The following AFF3 variants were observed in gnomAD, a reference collection of about 807,000 sequenced individuals.
The protein encoded by AFF3 is ALF transcription elongation factor 3, also known as AF4/FMR2 family member 3.
A neutral mutation model predicts 129.7 loss-of-function variants in AFF3; 32 were observed. The observed-to-expected ratio is 0.25, with a 90% confidence interval of 0.19 to 0.33. The LOEUF is 0.33. Among genes scored for constraint, AFF3 ranks in the 10% least tolerant of loss-of-function variants. AFF3 has a pLI of 1.00. For synonymous variants in AFF3, 644 were observed against 635.4 expected (o/e 1.01, Z -0.20); for missense variants, 1,373 against 1,592.0 (o/e 0.86, Z 2.34).
At chr2:99,766,580 G>C (rs1683040232) in intron 8 of AFF3, among the ~76,000 whole-genome samples, 1 of 151,970 alleles carries the variant, frequency 6.6e-6, no homozygotes, top group South Asian at 2.1e-4. Flanking sequence ...TCAGAAATAA[G>C]GTTAAACTAT....
chr2:99,606,665 C>T (rs1680368845), intron 13 of AFF3, among the ~76,000 whole-genome samples: 2 of 152,070 alleles, frequency 1.3e-5, no homozygotes, highest in African/African-American at 4.8e-5. Context: ...CGTCTGTAAT[C>T]CCAGCACTTT....
chr2:99,834,598 C>A (rs57859098), intron 8 of AFF3, among the ~76,000 whole-genome samples: 12,912 of 152,224 alleles, frequency 0.085, 1,822 homozygotes, highest in African/African-American at 0.29. Flanking sequence ...CAAAAGGGCA[C>A]TTGCAAAGGT....
At chr2:99,828,289 C>T (rs963040253) in intron 8 of AFF3, among the ~76,000 whole-genome samples, 2 of 152,116 alleles carry the variant, frequency 1.3e-5, no homozygotes, top group Admixed American at 1.3e-4. Context: ...TGAGCTCCAG[C>T]GGGGAATAAG....
intron 2 of AFF3, chr2:100,105,932 T>C: frequency 7.5e-7 from 1 of 1,329,142 alleles, no homozygotes; most frequent in East Asian, 4.3e-5. Context: ...TTGTTCCTTT[T>C]TCTGGGCAAG....
chr2:100,130,056 C>A (rs1000632400), intron 1 of AFF3, among the ~76,000 whole-genome samples: 2 of 152,152 alleles, frequency 1.3e-5, no homozygotes, highest in Non-Finnish European at 2.9e-5. Flanking sequence ...GTGCTGCCAG[C>A]GGGAATCCCT....
chr2:100,136,209 T>C (rs1692636203), intron 1 of AFF3, among the ~76,000 whole-genome samples: 1 of 152,138 alleles, frequency 6.6e-6, no homozygotes, highest in Non-Finnish European at 1.5e-5. Context: ...AGATGTAAGT[T>C]TGGGCATCGT....
At chr2:99,634,964 TAC>T (rs201362666) in intron 13 of AFF3, among the ~76,000 whole-genome samples, 1,597 of 137,690 alleles carry the variant, frequency 0.012, 10 homozygotes, top group Middle Eastern at 0.031. Flanking sequence ...GATTCTGTCA[TAC>T]ACACACACAC....
At chr2:99,744,059 AC>A in intron 10 of AFF3, 44 bp downstream of exon 10, 1 of 1,319,172 alleles carries the variant, frequency 7.6e-7, no homozygotes, top group East Asian at 2.7e-5. Flanking sequence ...CTCTGCCCCC[AC>A]CCCCTGCTCC....
chr2:99,899,500 A>C (rs144098640), intron 7 of AFF3, among the ~76,000 whole-genome samples: 2,124 of 152,358 alleles, frequency 0.014, 49 homozygotes, highest in African/African-American at 0.049. Context: ...TCCTGGGGTC[A>C]ATCGATCCAT....
At chr2:99,790,364 C>T (rs1685111935) in intron 8 of AFF3, among the ~76,000 whole-genome samples, 1 of 152,216 alleles carries the variant, frequency 6.6e-6, no homozygotes, top group African/African-American at 2.4e-5. Flanking sequence ...CATCTACATA[C>T]AATGGGCCTA....
At chr2:99,803,280 C>T (rs1198792947) in intron 8 of AFF3, among the ~76,000 whole-genome samples, 2 of 152,078 alleles carry the variant, frequency 1.3e-5, no homozygotes, top group Non-Finnish European at 2.9e-5. Flanking sequence ...ATCCCTGCAT[C>T]CCTAGTGATC....
chr2:99,611,774 C>T (rs535996392), intron 13 of AFF3, among the ~76,000 whole-genome samples: 1 of 151,974 alleles, frequency 6.6e-6, no homozygotes, highest in African/African-American at 2.4e-5. Context: ...GTAATCCCAG[C>T]TACTTGGAAG....
At chr2:99,935,727 G>A (rs902716529) in intron 7 of AFF3, among the ~76,000 whole-genome samples, 1 of 152,156 alleles carries the variant, frequency 6.6e-6, no homozygotes, top group Non-Finnish European at 1.5e-5. Flanking sequence ...GAATACTCTA[G>A]TGCCACTTTT....
At chr2:99,919,472 G>C (rs1164198728) in intron 7 of AFF3, among the ~76,000 whole-genome samples, 1 of 152,108 alleles carries the variant, frequency 6.6e-6, no homozygotes, top group South Asian at 2.1e-4. Flanking sequence ...TAAGAGCAGA[G>C]AAGCCATGAC....
intron 4 of AFF3, among the ~76,000 whole-genome samples, chr2:100,031,283 A>T (rs1180493757): frequency 6.6e-6 from 1 of 152,222 alleles, no homozygotes; most frequent in Non-Finnish European, 1.5e-5. Context: ...TGGAACCAAG[A>T]TTTCTCAATG....
At chr2:99,708,515 G>C (rs1344539678) in intron 11 of AFF3, among the ~76,000 whole-genome samples, 1 of 152,154 alleles carries the variant, frequency 6.6e-6, no homozygotes, top group Admixed American at 6.5e-5. Context: ...CGCAGTAACA[G>C]AACAATGCAA....
In AFF3 at chr2:100,014,783, C is replaced by CTTTTTTTTTTTT. The variant is rs60456923; in HGVS notation, c.54-5863_54-5852dup. Among the ~76,000 whole-genome samples the CTTTTTTTTTTTT allele has an allele frequency of 2.7e-3, 331 of 120,376 alleles. 16 individuals carry two copies. The highest frequency in any genetic ancestry group is 3.8e-3 in the South Asian group (15 of 3,956). 79.0% of individuals were successfully genotyped at this position (120,376 alleles called of 152,430 possible). On this transcript the variant is annotated intron_variant, in intron 4 of 24. Coordinates refer to ENST00000672756, the MANE Select transcript of AFF3 (RefSeq NM_001386135.1). ...CCATACCTCCATACCACCTTGCTTC[C>CTTTTTTTTTTTT]TTTTTTTTTTTTTTTTTTTAGACGG...
At chr2:99,699,596 C>A (rs868736691) in intron 11 of AFF3, among the ~76,000 whole-genome samples, 1 of 137,644 alleles carries the variant, frequency 7.3e-6, no homozygotes, top group East Asian at 2.3e-4. Flanking sequence ...GTATCTCAGA[C>A]GGTAGTGCCC....
At chr2:99,646,929 G>A (rs532110653) in intron 13 of AFF3, among the ~76,000 whole-genome samples, 3 of 152,136 alleles carry the variant, frequency 2.0e-5, no homozygotes, top group East Asian at 1.9e-4. Context: ...TGGGGATTAC[G>A]TCTGTGGCCC....
Sources: gnomAD v4.1 joint callset for allele counts (sites outside exome capture counted in the v4.1 genomes callset) on GRCh38, gnomAD v4.1.1 for gene constraint, MANE v1.5 for transcripts, NCBI Gene and HGNC (gene_info 2026-07-23, HGNC 2026-07-21) for gene names.